The following MYOCD variants were observed in gnomAD, a reference collection of about 807,000 sequenced individuals.
The protein encoded by MYOCD is myocardin.
In MYOCD, 32 loss-of-function variants were observed where a neutral mutation model predicts 96.1. That is an observed-to-expected ratio of 0.33 (90% confidence interval 0.25 to 0.45). The LOEUF is 0.45. Ranked by LOEUF, MYOCD falls within the 20% of genes least tolerant of loss-of-function variation. The pLI, the probability that MYOCD is intolerant of heterozygous loss-of-function variation, is 1.00. For synonymous variants in MYOCD, 469 were observed against 469.0 expected (o/e 1.00, Z 0.00); for missense variants, 1,133 against 1,200.6 (o/e 0.94, Z 0.83).
chr17:12,688,593 C>T (rs1436112462), intron 1 of MYOCD, among the ~76,000 whole-genome samples: 2 of 141,796 alleles, frequency 1.4e-5, no homozygotes, highest in African/African-American at 2.7e-5. Flanking sequence ...TCCTTCCTTC[C>T]ATCTCCTTCC....
chr17:12,705,228 T>TCCCAA, intron 2 of MYOCD, 35 bp downstream of exon 2: 1 of 1,492,610 alleles, frequency 6.7e-7, no homozygotes, highest in Non-Finnish European at 9.3e-7. Flanking sequence ...CTGATATACA[T>TCCCAA]AGGGCCACAC....
chr17:12,755,772 T>C (rs72813111), intron 10 of MYOCD, among the ~76,000 whole-genome samples: 36,924 of 151,948 alleles, frequency 0.24, 5,548 homozygotes, highest in East Asian at 0.36. Flanking sequence ...CTAGGGATGC[T>C]GAGGTAAGGG....
chr17:12,671,332 C>T (rs187038386), intron 1 of MYOCD, among the ~76,000 whole-genome samples: 53 of 152,162 alleles, frequency 3.5e-4, no homozygotes, highest in East Asian at 1.9e-4. Context: ...GTTAGATGTG[C>T]GTTTGTGTGT....
intron 2 of MYOCD, among the ~76,000 whole-genome samples, chr17:12,712,611 C>T (rs2031514773): frequency 6.6e-6 from 1 of 152,174 alleles, no homozygotes; most frequent in South Asian, 2.1e-4. Context: ...TGTTTATATG[C>T]TCGGCTGACC....
chr17:12,731,165 T>C (rs1362643554), intron 5 of MYOCD, among the ~76,000 whole-genome samples: 1 of 152,176 alleles, frequency 6.6e-6, no homozygotes, highest in Non-Finnish European at 1.5e-5. Flanking sequence ...GCCAGCCTCA[T>C]GCTGGGGAAG....
intron 1 of MYOCD, among the ~76,000 whole-genome samples, chr17:12,695,844 C>T (rs2030719329): frequency 6.6e-6 from 1 of 151,584 alleles, no homozygotes; most frequent in African/African-American, 2.4e-5. Context: ...TATAACCCCC[C>T]ATTCTCTCTT....
At chr17:12,688,303 G>A (rs1250791308) in intron 1 of MYOCD, among the ~76,000 whole-genome samples, 2 of 152,184 alleles carry the variant, frequency 1.3e-5, no homozygotes, top group Admixed American at 6.5e-5. Context: ...AGAACAGATC[G>A]CTTATAGGAA....
chr17:12,737,072 C>T (rs973797824), intron 6 of MYOCD, among the ~76,000 whole-genome samples: 1 of 151,936 alleles, frequency 6.6e-6, no homozygotes, highest in Non-Finnish European at 1.5e-5. Flanking sequence ...CTGGCCAACA[C>T]GGTGAAACCC....
At chr17:12,717,597 G>C (rs1225888582) in intron 4 of MYOCD, among the ~76,000 whole-genome samples, 176 bp downstream of exon 4, 1 of 152,214 alleles carries the variant, frequency 6.6e-6, no homozygotes, top group African/African-American at 2.4e-5. Flanking sequence ...CCCAAGTTGG[G>C]AAGCCATAAA....
At chr17:12,742,213 C>T (rs758954255) in intron 7 of MYOCD, among the ~76,000 whole-genome samples, 2 of 152,116 alleles carry the variant, frequency 1.3e-5, no homozygotes, top group Non-Finnish European at 2.9e-5. Context: ...GAATGCTAAT[C>T]GATTAGTAAG....
At chr17:12,718,860 G>A (rs1000139050) in intron 4 of MYOCD, among the ~76,000 whole-genome samples, 6 of 152,096 alleles carry the variant, frequency 3.9e-5, no homozygotes, top group African/African-American at 1.2e-4. Flanking sequence ...AAATCCAAAC[G>A]ATGTCATTTC....
At chr17:12,678,975 GTA>G (rs1910279139) in intron 1 of MYOCD, among the ~76,000 whole-genome samples, 1 of 152,076 alleles carries the variant, frequency 6.6e-6, no homozygotes, top group African/African-American at 2.4e-5. Context: ...AAGTTTGATT[GTA>G]CAGATGAGGT....
chr17:12,667,776 A>G (rs1009652310), intron 1 of MYOCD, among the ~76,000 whole-genome samples: 1 of 152,180 alleles, frequency 6.6e-6, no homozygotes, highest in African/African-American at 2.4e-5. Flanking sequence ...CCCAACTTCC[A>G]TCTCAGTGGA....
chr17:12,745,266 A>G (rs1234493955), intron 8 of MYOCD, among the ~76,000 whole-genome samples: 1 of 151,910 alleles, frequency 6.6e-6, no homozygotes, highest in Non-Finnish European at 1.5e-5. Context: ...CTGGAGTGCA[A>G]TGGCGCGATC....
chr17:12,755,728 C>T (rs867407333), intron 10 of MYOCD, among the ~76,000 whole-genome samples: 14 of 152,088 alleles, frequency 9.2e-5, no homozygotes, highest in Middle Eastern at 3.2e-3. Flanking sequence ...AAAAATTAGC[C>T]GGGCGTGGTG....
intron 1 of MYOCD, among the ~76,000 whole-genome samples, chr17:12,667,624 A>C (rs1423696414): frequency 6.6e-6 from 1 of 152,230 alleles, no homozygotes; most frequent in Admixed American, 6.5e-5. Context: ...CTTCCTTGCC[A>C]GTTTAAATGT....
chr17:12,726,716 T>C (rs192762627), intron 5 of MYOCD, among the ~76,000 whole-genome samples: 143 of 152,336 alleles, frequency 9.4e-4, no homozygotes, highest in Non-Finnish European at 1.6e-3. Flanking sequence ...ATGTCAAACC[T>C]ACACATACTT....
intron 1 of MYOCD, among the ~76,000 whole-genome samples, chr17:12,681,341 C>G (rs1310958621): frequency 6.6e-6 from 1 of 152,164 alleles, no homozygotes; most frequent in Non-Finnish European, 1.5e-5. Context: ...ACATGAAAGC[C>G]TCAAGCTCAC....
intron 1 of MYOCD, among the ~76,000 whole-genome samples, chr17:12,681,004 C>T (rs1263649745): frequency 1.3e-5 from 2 of 152,172 alleles, no homozygotes; most frequent in African/African-American, 4.8e-5. Flanking sequence ...TAAGGAGGTA[C>T]TGTTGTTACA....
Sources: allele counts gnomAD v4.1 joint callset (sites outside exome capture counted in the v4.1 genomes callset), GRCh38; gene constraint gnomAD v4.1.1; transcripts MANE v1.5; gene names NCBI Gene and HGNC (gene_info 2026-07-23, HGNC 2026-07-21).